Variants in PCSK5 observed in about 807,000 individuals in gnomAD.
PCSK5 encodes prohormone convertase 5.
A neutral mutation model predicts 233.2 loss-of-function variants in PCSK5; 129 were observed. That is an observed-to-expected ratio of 0.55 (90% CI 0.48 to 0.64). PCSK5 has a LOEUF of 0.64. Ranked by LOEUF, PCSK5 falls within the 30% of genes least tolerant of loss-of-function variation. The probability of loss-of-function intolerance (pLI) is 0.00; values close to 1 mark genes in which losing one functional copy is unlikely to be tolerated. For synonymous variants in PCSK5, 825 were observed against 879.2 expected, an observed-to-expected ratio of 0.94 and a Z score of 1.09; for missense variants, 2,076 against 2,430.1, an observed-to-expected ratio of 0.85 and a Z score of 3.06.
chr9:76,194,897 A>G, intron 20 of PCSK5: 1 of 292,968 alleles, frequency 3.4e-6, no homozygotes, highest in South Asian at 3.1e-5. Context: ...AGCTGAGGAG[A>G]GGAATACTAT....
At chr9:76,028,548 A>G (rs1828525444) in intron 5 of PCSK5, among the ~76,000 whole-genome samples, 1 of 151,780 alleles carries the variant, frequency 6.6e-6, no homozygotes, top group Admixed American at 6.6e-5. Context: ...GAAATGGTTG[A>G]GCCAGATTAC....
At chr9:76,263,947 C>G (rs1012696026) in intron 24 of PCSK5, among the ~76,000 whole-genome samples, 1 of 151,906 alleles carries the variant, frequency 6.6e-6, no homozygotes, top group African/African-American at 2.4e-5. Flanking sequence ...ACAGAAGTAG[C>G]AGAAACTATT....
intron 1 of PCSK5, among the ~76,000 whole-genome samples, chr9:75,905,102 T>C (rs1473008258): frequency 6.6e-6 from 1 of 152,166 alleles, no homozygotes; most frequent in Admixed American, 6.5e-5. Context: ...ATTTAGCAAA[T>C]CTATAGAGAC....
At chr9:76,175,898 A>G (rs1354415121) in intron 14 of PCSK5, among the ~76,000 whole-genome samples, 1 of 152,236 alleles carries the variant, frequency 6.6e-6, no homozygotes, top group Non-Finnish European at 1.5e-5. Flanking sequence ...TTCGAAGTAC[A>G]GTAATCCTCT....
At chr9:76,126,876 G>A (rs12238181) in intron 9 of PCSK5, among the ~76,000 whole-genome samples, 71,444 of 151,790 alleles carry the variant, frequency 0.47, 17,207 homozygotes, top group Admixed American at 0.52. Flanking sequence ...GAAAGCCTTG[G>A]TTTCATGACT....
chr9:76,357,067 C>G (rs191120338), intron 37 of PCSK5, among the ~76,000 whole-genome samples: 1 of 152,252 alleles, frequency 6.6e-6, no homozygotes, highest in Admixed American at 6.5e-5. Context: ...CCAAATCATA[C>G]CACCTGGAAA....
chr9:75,922,168 A>G lies in PCSK5; in HGVS notation c.193-10211A>G, dbSNP rs146462208. ...AAAGCATTAGTAGGGTACAAAAATG[A>G]AATTCAGCATTCAACAGAAATATAG... On this transcript the variant is annotated intron_variant, in intron 1 of 37. Coordinates refer to ENST00000674117, the MANE Select transcript of PCSK5 (RefSeq NM_001372043.1). 7.9e-5 allele frequency among the ~76,000 whole-genome samples: 12 copies of G among 152,358 alleles called. No homozygotes were observed. The East Asian group carries it at 2.3e-3, about 29-fold the overall frequency.
chr9:76,338,134 C>A, intron 34 of PCSK5, 96 bp from the exon 35 acceptor site: 1 of 802,974 alleles, frequency 1.2e-6, no homozygotes, highest in Non-Finnish European at 2.1e-6. Context: ...TAAAGTCACT[C>A]AGCTTGTAAA....
chr9:76,046,155 C>CTTTTGTT (rs1829364161), intron 5 of PCSK5, among the ~76,000 whole-genome samples: 2 of 55,702 alleles, frequency 3.6e-5, no homozygotes, highest in African/African-American at 5.2e-5. Context: ...ATAATTTTTT[C>CTTTTGTT]TTTTGTTTTT....
intron 24 of PCSK5, among the ~76,000 whole-genome samples, chr9:76,285,543 T>C (rs959479094): frequency 5.3e-5 from 8 of 152,046 alleles, no homozygotes; most frequent in Admixed American, 1.3e-4. Context: ...TAGGTTTCAA[T>C]AGCAAGTGGT....
chr9:76,098,254 A>G (rs1054725006), intron 8 of PCSK5, among the ~76,000 whole-genome samples: 15 of 152,208 alleles, frequency 9.9e-5, no homozygotes, highest in African/African-American at 3.6e-4. Context: ...TTAAATATAT[A>G]CACCCAATTC....
At chr9:76,351,996 C>T (rs1185421803) in intron 36 of PCSK5, among the ~76,000 whole-genome samples, 1 of 151,978 alleles carries the variant, frequency 6.6e-6, no homozygotes, top group Non-Finnish European at 1.5e-5. Context: ...CAGTCCAGAC[C>T]CCAAAAGAGG....
intron 24 of PCSK5, among the ~76,000 whole-genome samples, chr9:76,245,241 T>C (rs1366969298): frequency 6.6e-6 from 1 of 152,200 alleles, no homozygotes; most frequent in African/African-American, 2.4e-5. Flanking sequence ...TGTGCCCTTG[T>C]TTTAACTTAG....
chr9:75,896,701 TACAC>T (rs758380671), intron 1 of PCSK5, among the ~76,000 whole-genome samples: 42 of 151,556 alleles, frequency 2.8e-4, no homozygotes, highest in Non-Finnish European at 5.3e-4. Context: ...CATGCTAGAA[TACAC>T]ACACACACAC....
At chr9:75,893,781 A>C (rs896825224) in intron 1 of PCSK5, among the ~76,000 whole-genome samples, 3 of 152,202 alleles carry the variant, frequency 2.0e-5, no homozygotes, top group African/African-American at 7.2e-5. Context: ...AGCGCCAATG[A>C]GGAAATTTAG....
At position 76,095,946 on chromosome 9, in the gene PCSK5, C is replaced by T. The variant is rs867878555; in HGVS notation, c.951C>T (p.Ser317=). The change falls in exon 8 of 38, where the codon AGC becomes AGT. Residue 317 remains serine (S), a synonymous_variant. Transcript: ENST00000674117. ...FVWASGNGGR[S]KDHCSCDGYT... ...GGGCATCTGGAAATGGTGGAAGGAGCAAAGACCACTGCTCCTGTGATGGCT... is the reference window on the plus strand; with the variant it reads ...GGGCATCTGGAAATGGTGGAAGGAGTAAAGACCACTGCTCCTGTGATGGCT... 7 of 1,614,102 alleles carry T rather than the reference C, an allele frequency of 4.3e-6. No individual in the cohort carries two copies. The highest frequency in any genetic ancestry group is 1.6e-4 in the Middle Eastern group (1 of 6,062).
At chr9:75,924,354 G>T (rs1253010661) in intron 1 of PCSK5, among the ~76,000 whole-genome samples, 5 of 152,038 alleles carry the variant, frequency 3.3e-5, no homozygotes. Flanking sequence ...TGAAACTAAA[G>T]TCTAAAAAAA....
intron 1 of PCSK5, among the ~76,000 whole-genome samples, chr9:75,925,570 G>C (rs1453767201): frequency 6.6e-6 from 1 of 152,210 alleles, no homozygotes; most frequent in Non-Finnish European, 1.5e-5. Flanking sequence ...AGGGTATGGG[G>C]TATGCCAGAG....
chr9:75,999,701 A>G (rs1026479491), intron 3 of PCSK5, among the ~76,000 whole-genome samples: 1 of 152,250 alleles, frequency 6.6e-6, no homozygotes, highest in Non-Finnish European at 1.5e-5. Flanking sequence ...TAGAGCCATT[A>G]TGAACATGTC....
Sources: allele counts gnomAD v4.1 joint callset (sites outside exome capture counted in the v4.1 genomes callset), GRCh38; gene constraint gnomAD v4.1.1; transcripts MANE v1.5; gene names NCBI Gene and HGNC (gene_info 2026-07-23, HGNC 2026-07-21).